The following CASP4 variants were observed in gnomAD, a reference collection of about 807,000 sequenced individuals.
CASP4 encodes caspase-4.
Under a neutral mutation model 41.3 loss-of-function variants are expected in CASP4, and 29 were observed. The ratio of observed to expected loss-of-function variants is 0.70; its 90% confidence interval spans 0.52 to 0.96. The LOEUF (loss-of-function observed/expected upper bound fraction) is 0.96. CASP4 is among the 40% of genes least tolerant of loss of function. The pLI is 0.00. For synonymous variants in CASP4, 185 were observed against 158.4 expected (o/e 1.17, Z -1.26); for missense variants, 447 against 460.6 (o/e 0.97, Z 0.27).
intron 1 of CASP4, chr11:104,956,606 G>T: frequency 1.0e-6 from 1 of 973,648 alleles, no homozygotes; most frequent in Admixed American, 6.2e-5. Context: ...CCTGACAGTT[G>T]GTGAAGAGCT....
At chr11:104,948,804 A>T (rs1326840065) in intron 5 of CASP4, 128 bp from the exon 6 acceptor site, 3 of 389,606 alleles carry the variant, frequency 7.7e-6, no homozygotes, top group Non-Finnish European at 1.2e-5. Flanking sequence ...ACACATACAA[A>T]CACACACAGA....
At chr11:104,944,967 C>T in intron 7 of CASP4, 116 bp from the exon 8 acceptor site, 4 of 722,224 alleles carry the variant, frequency 5.5e-6, no homozygotes, top group Non-Finnish European at 9.7e-6. Context: ...TTTCATAGAA[C>T]CAAGCCCATG....
At chr11:104,962,640 T>C (rs984766632) in intron 1 of CASP4, among the ~76,000 whole-genome samples, 4 of 152,308 alleles carry the variant, frequency 2.6e-5, no homozygotes, top group African/African-American at 9.6e-5. Flanking sequence ...GAGCTTAATC[T>C]TGTGACCATA....
intron 1 of CASP4, among the ~76,000 whole-genome samples, chr11:104,961,083 C>T (rs1565369294): frequency 1.3e-5 from 2 of 152,220 alleles, no homozygotes; most frequent in Non-Finnish European, 2.9e-5. Flanking sequence ...TTGTGGCTAC[C>T]TGCTTGTGGT....
Position 104,943,303 on chromosome 11 carries a change from G to A in CASP4, c.*6-330C>T, listed in dbSNP as rs55747197. ...TGTCTCTGCCATTTTCTCCACTCAC[G>A]TTCTCTTTTGGTCACACTGTCTCAT... On this transcript the variant is annotated intron_variant, in intron 8 of 8. Transcript: ENST00000444739. 735 of 257,478 alleles carry A rather than the reference G, an allele frequency of 2.9e-3. 8 individuals carry two copies. The highest frequency in any genetic ancestry group is 0.011 in the African/African-American group (503 of 44,230). 15.9% of individuals were successfully genotyped at this position (257,478 alleles called of 1,614,324 possible).
chr11:104,946,467 G>A (rs976385290), intron 7 of CASP4, among the ~76,000 whole-genome samples: 1 of 152,164 alleles, frequency 6.6e-6, no homozygotes, highest in Non-Finnish European at 1.5e-5. Context: ...TGCTGAGTGG[G>A]TAGATGTACG....
chr11:104,956,917 T>C (rs1156367003), intron 1 of CASP4, among the ~76,000 whole-genome samples: 2 of 152,058 alleles, frequency 1.3e-5, no homozygotes, highest in Non-Finnish European at 2.9e-5. Context: ...GAAGAGTTTT[T>C]AACAAAAAAA....
chr11:104,944,498 T>C (rs987267374), intron 8 of CASP4: 2 of 417,194 alleles, frequency 4.8e-6, no homozygotes, highest in Non-Finnish European at 8.7e-6. Context: ...TCCTTGGTTT[T>C]TCATCATCAC....
At chr11:104,967,138 A>G (rs1860991973) in intron 1 of CASP4, among the ~76,000 whole-genome samples, 1 of 152,206 alleles carries the variant, frequency 6.6e-6, no homozygotes, top group Non-Finnish European at 1.5e-5. Flanking sequence ...ACAGGATACA[A>G]TTCCTCAAGA....
chr11:104,948,399 A>G (rs1860515370), intron 6 of CASP4, 134 bp downstream of exon 6: 2 of 885,440 alleles, frequency 2.3e-6, no homozygotes, highest in Admixed American at 3.3e-5. Flanking sequence ...GGCACACATA[A>G]GATCATGTAA....
intron 1 of CASP4, chr11:104,956,566 C>G: frequency 1.4e-6 from 1 of 691,416 alleles, no homozygotes. Flanking sequence ...GAATCCAGAG[C>G]CCCCATTCTT....
chr11:104,967,305 G>A (rs1860996003), intron 1 of CASP4, among the ~76,000 whole-genome samples: 1 of 152,112 alleles, frequency 6.6e-6, no homozygotes, highest in South Asian at 2.1e-4. Context: ...ATAAACCCCG[G>A]AGAGAATTGT....
chr11:104,954,722 T>C lies in CASP4; in HGVS notation c.262+25A>G. On this transcript the variant is annotated intron_variant, in intron 2 of 8. Coordinates refer to ENST00000444739, the MANE Select transcript of CASP4 (RefSeq NM_001225.4). ...AACAGATTTAGGGAAAATTGAGACATTCATTGTAAAAAATCCAGTCTTACC... is the reference window on the plus strand; with the variant it reads ...AACAGATTTAGGGAAAATTGAGACACTCATTGTAAAAAATCCAGTCTTACC... The C allele has an allele frequency of 3.1e-6, 5 of 1,606,990 alleles. No homozygotes were observed. In the South Asian group the frequency reaches 4.4e-5, roughly 14 times the overall value.
intron 8 of CASP4, 47 bp downstream of exon 8, chr11:104,944,701 A>C (rs1336662911): frequency 8.4e-7 from 1 of 1,188,962 alleles, no homozygotes; most frequent in East Asian, 2.3e-5. Context: ...CACCAATATC[A>C]CTCTCTTATT....
chr11:104,947,087 C>A lies in CASP4; in HGVS notation c.1031G>T (p.Arg344Leu). The A allele has an allele frequency of 6.3e-7, 1 of 1,593,208 alleles. No homozygotes were observed. Among genetic ancestry groups the A allele is most frequent in the Non-Finnish European group, 8.6e-7 (1 of 1,161,840 alleles). The change falls in exon 7 of 9, where the codon CGG (arginine) becomes CTG (leucine). Residue 344 changes from arginine (R) to leucine (L), a missense_variant. Physicochemically the swap from Arg to Leu is moderately radical, Grantham distance 102 (BLOSUM62 -2). Transcript: ENST00000444739. ...AACTAGAAAAGAGACACTTACCTTC[C>A]GAAATACTTCCTCTAGGTGGCAGCA... is the stretch of plus-strand genomic sequence containing the variant. The part of the protein sequence containing the change: ...SWCCHLEEVF[R>L]KVQQSFETPR...
Position 104,944,761 on chromosome 11 carries a change from C to T in CASP4, c.1126G>A (p.Gly376Ser), listed in dbSNP as rs1172178971. Residue 376 changes from glycine (G) to serine (S), a missense_variant, in exon 8 of 9, where the codon GGC becomes AGC. Gly to Ser is a moderately conservative substitution (Grantham distance 56, BLOSUM62 0). Coordinates refer to ENST00000444739, the MANE Select transcript of CASP4 (RefSeq NM_001225.4). ...TCAATACTTAACCATTTTCAATTGC[C>T]AGGAAAGAGGTAGAAATATCTTGTC... The part of the protein sequence containing the change: ...SMTRYFYLFP[G>S]N 1.9e-6 allele frequency: 3 copies of T among 1,604,992 alleles called. No homozygotes were observed. The highest frequency in any genetic ancestry group is 2.2e-5 in the South Asian group (2 of 90,888).
At chr11:104,946,217 A>T (rs1860455952) in intron 7 of CASP4, among the ~76,000 whole-genome samples, 1 of 152,146 alleles carries the variant, frequency 6.6e-6, no homozygotes, top group Non-Finnish European at 1.5e-5. Context: ...TGTTCTCTAC[A>T]ATTTTTACTT....
chr11:104,949,794 T>C lies in CASP4; in HGVS notation c.547-17A>G. 1 of 1,610,598 alleles carries C rather than the reference T, an allele frequency of 6.2e-7. No homozygotes were observed. The highest frequency in any genetic ancestry group is 8.5e-7 in the Non-Finnish European group (1 of 1,177,036). ...CTCCATATCCTGTAAAAGAGCAATG[T>C]CTAACTTCAGTCAGAGAAGCATCAC... On this transcript the variant is annotated splice_polypyrimidine_tract_variant and intron_variant, in intron 4 of 8. Coordinates refer to ENST00000444739, the MANE Select transcript of CASP4 (RefSeq NM_001225.4).
chr11:104,948,441 A>G (rs751379781), intron 6 of CASP4, 92 bp downstream of exon 6: 1 of 1,264,322 alleles, frequency 7.9e-7, no homozygotes, highest in South Asian at 1.8e-5. Flanking sequence ...ATTCTATCAG[A>G]TCATTGTTTC....
Sources: allele counts gnomAD v4.1 joint callset (sites outside exome capture counted in the v4.1 genomes callset), GRCh38; gene constraint gnomAD v4.1.1; transcripts MANE v1.5; gene names NCBI Gene and HGNC (gene_info 2026-07-23, HGNC 2026-07-21).